Variants in TEX36 observed in about 807,000 individuals in gnomAD.
TEX36 encodes the protein testis-expressed protein 36.
A neutral mutation model predicts 13.6 loss-of-function variants in TEX36; 12 were observed. That is an observed-to-expected ratio of 0.88 (90% CI 0.56 to 1.43). The LOEUF (loss-of-function observed/expected upper bound fraction) is 1.43. TEX36 is among the 40% of genes most tolerant of loss of function. The pLI is 0.00. For missense variants in TEX36, 224 were observed against 228.3 expected, an observed-to-expected ratio of 0.98 and a Z score of 0.12; for synonymous variants, 93 against 83.0, an observed-to-expected ratio of 1.12 and a Z score of -0.65.
Position 125,661,972 on chromosome 10 carries a change from AG to A in TEX36, c.56del (p.Pro19LeufsTer5). The A allele has an allele frequency of 1.9e-6, 3 of 1,552,390 alleles. No individual in the cohort carries two copies. The highest frequency in any genetic ancestry group is 2.6e-6 in the Non-Finnish European group (3 of 1,147,132). ...PPSDKDGRWF[P>X]HIGLTQKTPE... Reference sequence around the variant, plus strand: ...GTGTCTTTTGCGTTAGCCCGATGTGAGGGAACTGGAAGAACAGCACACGCCT... The same window carrying A: ...GTGTCTTTTGCGTTAGCCCGATGTGAGGAACTGGAAGAACAGCACACGCCT... On this transcript the variant is annotated frameshift_variant, in exon 2 of 4. Coordinates refer to ENST00000368821, the MANE Select transcript of TEX36 (RefSeq NM_001128202.3). LOFTEE classifies it high-confidence loss of function.
chr10:125,621,445 T>A (rs572934808), downstream of TEX36, among the ~76,000 whole-genome samples: 1 of 152,238 alleles, frequency 6.6e-6, no homozygotes, highest in Non-Finnish European at 1.5e-5. Flanking sequence ...TCCCTAATGA[T>A]TAGTGACATG....
rs2016626 is a variant in TEX36, at chr10:125,610,324, C to T, written c.265-33450G>A. On this transcript the variant is annotated intron_variant, in intron 3 of 3. Coordinates refer to the TEX36 transcript ENST00000532135. ...TGGTGGCTAACTCTTCAATTCCTTC[C>T]TGCATGAAGCCAAGAACCCAGATGG... is the stretch of plus-strand genomic sequence containing the variant. Among the ~76,000 whole-genome samples, 8 of 152,278 alleles carry T rather than the reference C, an allele frequency of 5.3e-5. No individual in the cohort carries two copies. In the South Asian group the frequency reaches 1.7e-3, roughly 32 times the overall value.
At chr10:125,677,587 A>G (rs550364466) in intron 1 of TEX36, among the ~76,000 whole-genome samples, 3 of 151,896 alleles carry the variant, frequency 2.0e-5, no homozygotes, top group African/African-American at 7.2e-5. Context: ...CTCCTTGGAA[A>G]ATTTCTCATT....
chr10:125,630,937 A>G (rs1485577550), intron 3 of TEX36, among the ~76,000 whole-genome samples: 1 of 152,106 alleles, frequency 6.6e-6, no homozygotes, highest in African/African-American at 2.4e-5. Flanking sequence ...GGAGGGGGTC[A>G]GGCTCCAGGG....
intron 3 of TEX36, among the ~76,000 whole-genome samples, chr10:125,649,564 C>T (rs1475960875): frequency 6.6e-6 from 1 of 152,196 alleles, no homozygotes; most frequent in East Asian, 1.9e-4. Context: ...ACTGTAAAGA[C>T]CATCAATGCT....
At chr10:125,673,101 T>C (rs1329762174) in intron 1 of TEX36, among the ~76,000 whole-genome samples, 1 of 152,246 alleles carries the variant, frequency 6.6e-6, no homozygotes, top group African/African-American at 2.4e-5. Flanking sequence ...CTGTGTCTTT[T>C]AATTGAGGCA....
chr10:125,666,962 G>T, intron 1 of TEX36: 1 of 951,730 alleles, frequency 1.1e-6, no homozygotes, highest in Non-Finnish European at 1.6e-6. Flanking sequence ...GACAGGCCAG[G>T]CTGTTGGCCA....
rs1387929898 is a variant in TEX36, at chr10:125,616,413, T to C, written c.265-39539A>G. 1.2e-3 allele frequency among the ~76,000 whole-genome samples: 156 copies of C among 134,982 alleles called. 1 individual carries two copies. Among genetic ancestry groups the C allele is most frequent in the African/African-American group, 4.0e-3 (142 of 35,482 alleles). The allele number at this position is 134,982 out of a possible 152,430, so 88.6% of individuals were successfully genotyped here. ...TTTGGATCTTTCCTGCTTTCTCTTGTGGGCATTTAGTGCTATAAATTTCCC... is the reference window on the plus strand; with the variant it reads ...TTTGGATCTTTCCTGCTTTCTCTTGCGGGCATTTAGTGCTATAAATTTCCC... On this transcript the variant is annotated intron_variant, in intron 3 of 3. Coordinates refer to the TEX36 transcript ENST00000532135.
intron 1 of TEX36, among the ~76,000 whole-genome samples, chr10:125,673,846 C>A (rs778608678): frequency 6.6e-6 from 1 of 151,916 alleles, no homozygotes; most frequent in Non-Finnish European, 1.5e-5. Context: ...TTCTGGCTGA[C>A]CTTAACATTT....
At chr10:125,653,986 A>G (rs1714554078), downstream of TEX36, among the ~76,000 whole-genome samples, 1 of 152,140 alleles carries the variant, frequency 6.6e-6, no homozygotes, top group African/African-American at 2.4e-5. Context: ...GAAAAGAAAA[A>G]GAAAATGAGG....
Position 125,683,022 on chromosome 10 carries a change from G to T in TEX36, c.-33C>A. 1 of 1,551,300 alleles carries T rather than the reference G, an allele frequency of 6.4e-7. No individual in the cohort carries two copies. The highest frequency in any genetic ancestry group is 8.7e-7 in the Non-Finnish European group (1 of 1,146,662). On this transcript the variant is annotated 5_prime_UTR_variant, in exon 1 of 4. Transcript: ENST00000368821. ...AGGAAGCTGAATGTGGCTGAGATTG[G>T]CTCCCTCACCTCTCCATAAGCTCTA...
chr10:125,577,021 A>G, intron 3 of TEX36: 1 of 1,069,746 alleles, frequency 9.3e-7, no homozygotes, highest in Non-Finnish European at 1.3e-6. Flanking sequence ...ACTTAGCCTG[A>G]GCCCTAGGCC....
intron 3 of TEX36, among the ~76,000 whole-genome samples, chr10:125,639,716 G>T (rs141085150): frequency 8.5e-5 from 13 of 152,282 alleles, no homozygotes; most frequent in African/African-American, 2.9e-4. Context: ...GACTATCCTC[G>T]TTGATTGAAG....
chr10:125,637,857 C>CACTCCTGA (rs1846639477), intron 3 of TEX36, among the ~76,000 whole-genome samples: 2 of 152,084 alleles, frequency 1.3e-5, no homozygotes, highest in African/African-American at 4.8e-5. Context: ...CTCCTGCCCC[C>CACTCCTGA]ACTCCTGAGC....
intron 3 of TEX36, among the ~76,000 whole-genome samples, chr10:125,642,819 C>T (rs1846710291): frequency 6.6e-6 from 1 of 152,178 alleles, no homozygotes; most frequent in Non-Finnish European, 1.5e-5. Flanking sequence ...TAGGAGGCAA[C>T]AATGTCCAGC....
rs537580887 is a variant in TEX36, at chr10:125,582,673, CAATA to C, written c.265-5803_265-5800del. Reference sequence around the variant, plus strand: ...TTCATCATTTGTTCATTCAGACAATCAATAAATAAACCTCGGGAATTTACATGGA... The same window carrying C: ...TTCATCATTTGTTCATTCAGACAATCAATAAACCTCGGGAATTTACATGGA... On this transcript the variant is annotated intron_variant, in intron 3 of 3. Coordinates refer to the TEX36 transcript ENST00000532135. 3.9e-4 allele frequency among the ~76,000 whole-genome samples: 60 copies of C among 152,256 alleles called. No homozygotes were observed. In the East Asian group the frequency reaches 0.011, roughly 28 times the overall value.
intron 3 of TEX36, among the ~76,000 whole-genome samples, chr10:125,649,663 A>T (rs1846823575): frequency 1.3e-5 from 2 of 152,258 alleles, no homozygotes; most frequent in Non-Finnish European, 2.9e-5. Flanking sequence ...CTTTAAATGT[A>T]AATGGGCTAA....
chr10:125,601,100 A>T (rs1215422377), intron 3 of TEX36, among the ~76,000 whole-genome samples: 1 of 152,236 alleles, frequency 6.6e-6, no homozygotes, highest in African/African-American at 2.4e-5. Context: ...AAAATTAAAC[A>T]TGTTTGTGAA....
chr10:125,578,611 G>C (rs1438980860), intron 3 of TEX36, among the ~76,000 whole-genome samples: 1 of 152,120 alleles, frequency 6.6e-6, no homozygotes, highest in Non-Finnish European at 1.5e-5. Context: ...GGGAAGGTGG[G>C]GTACCTTGTC....
Sources: gnomAD v4.1 joint callset for allele counts (sites outside exome capture counted in the v4.1 genomes callset) on GRCh38, gnomAD v4.1.1 for gene constraint, MANE v1.5 for transcripts, NCBI Gene and HGNC (gene_info 2026-07-23, HGNC 2026-07-21) for gene names.